Variants in PTPRN2 observed in about 807,000 individuals in gnomAD.
PTPRN2 encodes protein tyrosine phosphatase receptor type N2.
A neutral mutation model predicts 118.8 loss-of-function variants in PTPRN2; 74 were observed. The observed-to-expected ratio is 0.62, with a 90% confidence interval of 0.52 to 0.76. The LOEUF is 0.76. PTPRN2 is among the 30% of genes least tolerant of loss of function. PTPRN2 has a pLI of 0.00. For synonymous variants in PTPRN2, 641 were observed against 608.0 expected (o/e 1.05, Z -0.80); for missense variants, 1,481 against 1,394.4 (o/e 1.06, Z -0.99).
intron 10 of PTPRN2, among the ~76,000 whole-genome samples, chr7:158,101,864 C>G (rs578064447): frequency 1.3e-5 from 2 of 152,310 alleles, no homozygotes; most frequent in Non-Finnish European, 1.5e-5. Context: ...TCTGGCCCAC[C>G]CTCTCCCAGG....
intron 12 of PTPRN2, among the ~76,000 whole-genome samples, chr7:157,701,648 AC>A (rs1005601086): frequency 1.3e-5 from 2 of 152,196 alleles, no homozygotes; most frequent in African/African-American, 4.8e-5. Flanking sequence ...AGCCATGCAG[AC>A]TTTATCCTAC....
At chr7:157,761,335 C>T (rs1802114278) in intron 12 of PTPRN2, among the ~76,000 whole-genome samples, 1 of 150,140 alleles carries the variant, frequency 6.7e-6, no homozygotes, top group Non-Finnish European at 1.5e-5. Context: ...CATCACACTA[C>T]CTGACTTCAA....
chr7:157,855,737 G>C (rs918007695), intron 12 of PTPRN2, among the ~76,000 whole-genome samples: 1 of 152,212 alleles, frequency 6.6e-6, no homozygotes, highest in African/African-American at 2.4e-5. Context: ...TGGGCCCAGG[G>C]GGGCGGCGAT....
At chr7:158,283,158 A>G (rs1799541924) in intron 3 of PTPRN2, among the ~76,000 whole-genome samples, 1 of 152,242 alleles carries the variant, frequency 6.6e-6, no homozygotes, top group South Asian at 2.1e-4. Flanking sequence ...ATGAAAAAAA[A>G]CACTTCTTGT....
chr7:158,189,746 G>T (rs542289187), intron 5 of PTPRN2, among the ~76,000 whole-genome samples: 2 of 152,232 alleles, frequency 1.3e-5, no homozygotes, highest in African/African-American at 4.8e-5. Context: ...GTCTGGGGAC[G>T]TGACGTCACG....
intron 12 of PTPRN2, among the ~76,000 whole-genome samples, chr7:157,796,165 G>A (rs565277858): frequency 5.3e-5 from 8 of 152,334 alleles, no homozygotes; most frequent in South Asian, 2.1e-4. Context: ...CCTTAGAGAC[G>A]CGGGGATGCC....
At chr7:157,582,576 A>G (rs1178378940) in intron 17 of PTPRN2, among the ~76,000 whole-genome samples, 1 of 152,118 alleles carries the variant, frequency 6.6e-6, no homozygotes, top group Non-Finnish European at 1.5e-5. Flanking sequence ...GGCAGCCTTT[A>G]CAGAAAACAG....
At chr7:157,561,174 C>T (rs527558279) in intron 21 of PTPRN2, among the ~76,000 whole-genome samples, 11 of 151,648 alleles carry the variant, frequency 7.3e-5, no homozygotes, top group East Asian at 3.9e-4. Context: ...CCAGTCTCCC[C>T]GCCCTCTGGT....
chr7:158,139,682 G>A (rs574274398), intron 6 of PTPRN2, among the ~76,000 whole-genome samples: 33 of 152,152 alleles, frequency 2.2e-4, no homozygotes, highest in Non-Finnish European at 3.8e-4. Flanking sequence ...GGAAAGCAGC[G>A]GGGGCGGGGC....
At chr7:158,228,624 C>T (rs1009777821) in intron 3 of PTPRN2, among the ~76,000 whole-genome samples, 1 of 151,816 alleles carries the variant, frequency 6.6e-6, no homozygotes, top group African/African-American at 2.4e-5. Context: ...GAGACAGTTC[C>T]CAGGAACACA....
chr7:158,270,878 A>C (rs1357223542), intron 3 of PTPRN2, among the ~76,000 whole-genome samples: 1 of 15,208 alleles, frequency 6.6e-5, no homozygotes, highest in Non-Finnish European at 1.2e-4. Context: ...CGCCCCCTCC[A>C]CCTGGATGAC....
chr7:158,160,795 G>A (rs1250826826), intron 6 of PTPRN2, among the ~76,000 whole-genome samples: 1 of 152,194 alleles, frequency 6.6e-6, no homozygotes, highest in African/African-American at 2.4e-5. Context: ...TAAGTGTGAT[G>A]CCCATGCAAC....
chr7:157,741,144 C>T (rs541583194), intron 12 of PTPRN2, among the ~76,000 whole-genome samples: 16 of 152,222 alleles, frequency 1.1e-4, no homozygotes, highest in African/African-American at 2.2e-4. Context: ...GGCTCCATGA[C>T]GGCAAAGGCC....
At chr7:158,505,834 G>C (rs1822707348) in intron 1 of PTPRN2, among the ~76,000 whole-genome samples, 1 of 152,200 alleles carries the variant, frequency 6.6e-6, no homozygotes, top group African/African-American at 2.4e-5. Context: ...GTTCAATGTG[G>C]TGCTAAATAA....
chr7:157,639,423 C>T (rs1369864161), intron 14 of PTPRN2, among the ~76,000 whole-genome samples: 1 of 152,228 alleles, frequency 6.6e-6, no homozygotes, highest in Non-Finnish European at 1.5e-5. Flanking sequence ...GGCCTCTGCA[C>T]TGTTTTCCTT....
At chr7:158,081,229 C>A in intron 11 of PTPRN2, 69 bp downstream of exon 11, 1 of 1,409,288 alleles carries the variant, frequency 7.1e-7, no homozygotes, top group Non-Finnish European at 1.0e-6. Context: ...TGTGCATGTG[C>A]GTGTTTGCGT....
At chr7:158,091,296 T>C (rs1371519629) in intron 10 of PTPRN2, among the ~76,000 whole-genome samples, 1 of 152,218 alleles carries the variant, frequency 6.6e-6, no homozygotes, top group Non-Finnish European at 1.5e-5. Context: ...TTTTTGTGGA[T>C]AAAAAGAAGA....
In PTPRN2 at chr7:157,726,752, T is replaced by C. The variant is rs577532721; in HGVS notation, c.1789-43815A>G. On this transcript the variant is annotated intron_variant, in intron 12 of 22. Transcript: ENST00000389418. ...AGGGGGAAAAGATTTGCGAATCAAATTGCAGTGGGGGATTAATATCCAGAA... is the reference window on the plus strand; with the variant it reads ...AGGGGGAAAAGATTTGCGAATCAAACTGCAGTGGGGGATTAATATCCAGAA... 5.9e-5 allele frequency among the ~76,000 whole-genome samples: 9 copies of C among 152,296 alleles called. No homozygotes were observed. In the South Asian group the frequency reaches 1.9e-3, roughly 32 times the overall value.
chr7:158,554,323 G>A (rs911368132), intron 1 of PTPRN2, among the ~76,000 whole-genome samples: 1 of 152,200 alleles, frequency 6.6e-6, no homozygotes, highest in Non-Finnish European at 1.5e-5. Context: ...GTGCAACTTT[G>A]TTTTCTGTCC....
Sources: gnomAD v4.1 joint callset for allele counts (sites outside exome capture counted in the v4.1 genomes callset) on GRCh38, gnomAD v4.1.1 for gene constraint, MANE v1.5 for transcripts, NCBI Gene and HGNC (gene_info 2026-07-23, HGNC 2026-07-21) for gene names.